ALK: variants seen among roughly 807,000 people sequenced by gnomAD.
ALK encodes ALK tyrosine kinase receptor.
In ALK, 74 loss-of-function variants were observed where a neutral mutation model predicts 163.1. The observed-to-expected ratio is 0.45, with a 90% CI of 0.38 to 0.55. The LOEUF (loss-of-function observed/expected upper bound fraction) is 0.55. ALK is among the 20% of genes least tolerant of loss of function. The pLI, the probability that ALK is intolerant of heterozygous loss-of-function variation, is 0.00. For missense variants in ALK, 2,063 were observed against 2,105.3 expected, an observed-to-expected ratio of 0.98 and a Z score of 0.39; for synonymous variants, 960 against 843.2, an observed-to-expected ratio of 1.14 and a Z score of -2.40.
chr2:29,752,736 C>T (rs1294772126), intron 1 of ALK, among the ~76,000 whole-genome samples: 1 of 152,170 alleles, frequency 6.6e-6, no homozygotes, highest in East Asian at 1.9e-4. Flanking sequence ...TGTTTCTGCT[C>T]TCACATCCTG....
chr2:29,450,481 G>T (rs1670793717), intron 4 of ALK, among the ~76,000 whole-genome samples: 1 of 152,106 alleles, frequency 6.6e-6, no homozygotes, highest in South Asian at 2.1e-4. Flanking sequence ...GTTTTTGGTT[G>T]TGTGGGGCAG....
chr2:29,635,495 G>A (rs2148240519), intron 3 of ALK, among the ~76,000 whole-genome samples: 1 of 152,332 alleles, frequency 6.6e-6, no homozygotes, highest in East Asian at 1.9e-4. Context: ...GCAGCTACCA[G>A]AAGCTGGAAG....
chr2:29,574,285 C>T (rs1674461844), intron 3 of ALK, among the ~76,000 whole-genome samples: 1 of 152,206 alleles, frequency 6.6e-6, no homozygotes, highest in African/African-American at 2.4e-5. Context: ...AGGGCCATGA[C>T]ACCACTTCTC....
At chr2:29,717,720 C>T in intron 1 of ALK, 23 bp from the exon 2 acceptor site, 1 of 1,613,890 alleles carries the variant, frequency 6.2e-7, no homozygotes, top group South Asian at 1.1e-5. Context: ...ATAAAGAAAA[C>T]ACTGATCCAT....
At chr2:29,498,623 A>G (rs948243284) in intron 4 of ALK, among the ~76,000 whole-genome samples, 7 of 152,226 alleles carry the variant, frequency 4.6e-5, no homozygotes, top group Non-Finnish European at 1.0e-4. Context: ...GCGGGGCTCC[A>G]CTTGCCAAGC....
At chr2:29,473,515 T>C (rs1277250493) in intron 4 of ALK, among the ~76,000 whole-genome samples, 2 of 152,116 alleles carry the variant, frequency 1.3e-5, no homozygotes, top group Admixed American at 1.3e-4. Flanking sequence ...TTGTCTGTAA[T>C]ATATAAAGAA....
intron 1 of ALK, among the ~76,000 whole-genome samples, chr2:29,851,390 A>G (rs111478584): frequency 0.013 from 1,936 of 152,290 alleles, 18 homozygotes; most frequent in Middle Eastern, 0.031. Flanking sequence ...TCTCAAAAAG[A>G]TGAAGCTGTC....
intron 1 of ALK, among the ~76,000 whole-genome samples, chr2:29,852,371 A>C (rs4075919): frequency 0.54 from 82,458 of 151,976 alleles, 24,034 homozygotes; most frequent in East Asian, 0.84. Context: ...CTTCAGACTC[A>C]AAAAACAGAC....
intron 9 of ALK, among the ~76,000 whole-genome samples, chr2:29,292,520 T>C (rs1431077227): frequency 6.6e-6 from 1 of 151,410 alleles, no homozygotes; most frequent in African/African-American, 2.4e-5. Flanking sequence ...ATGAGGGAGG[T>C]GGGGCTGATA....
intron 1 of ALK, among the ~76,000 whole-genome samples, chr2:29,775,829 A>G (rs1444806396): frequency 6.6e-6 from 1 of 152,256 alleles, no homozygotes; most frequent in East Asian, 1.9e-4. Flanking sequence ...TAGTAGAATG[A>G]TCAATGACTG....
chr2:29,845,346 A>G (rs576884939), intron 1 of ALK, among the ~76,000 whole-genome samples: 128 of 152,332 alleles, frequency 8.4e-4, no homozygotes, highest in Non-Finnish European at 1.4e-3. Flanking sequence ...CTGTAAATAA[A>G]TAAGGTTTCA....
chr2:29,222,061 A>G (rs1272930763), intron 22 of ALK, among the ~76,000 whole-genome samples: 1 of 152,152 alleles, frequency 6.6e-6, no homozygotes, highest in African/African-American at 2.4e-5. Flanking sequence ...CTTAAGAAAA[A>G]GTGAGGGAAG....
At chr2:29,498,622 C>T (rs545001617) in intron 4 of ALK, among the ~76,000 whole-genome samples, 13 of 152,230 alleles carry the variant, frequency 8.5e-5, no homozygotes, top group Middle Eastern at 3.4e-3. Flanking sequence ...AGCGGGGCTC[C>T]ACTTGCCAAG....
intron 5 of ALK, among the ~76,000 whole-genome samples, chr2:29,329,063 A>C (rs1343376407): frequency 6.6e-6 from 1 of 152,090 alleles, no homozygotes; most frequent in Non-Finnish European, 1.5e-5. Context: ...TATGAGGCTG[A>C]CCATGTCCCT....
intron 1 of ALK, among the ~76,000 whole-genome samples, chr2:29,891,438 A>C (rs1040305874): frequency 4.6e-5 from 7 of 152,200 alleles, no homozygotes; most frequent in Non-Finnish European, 1.0e-4. Flanking sequence ...CAATGTTGAC[A>C]TAACACTTAT....
At chr2:29,858,459 G>A (rs974709529) in intron 1 of ALK, among the ~76,000 whole-genome samples, 4 of 151,940 alleles carry the variant, frequency 2.6e-5, no homozygotes, top group African/African-American at 9.7e-5. Context: ...GAGGCCGGGT[G>A]CGGTGGCTCA....
intron 1 of ALK, among the ~76,000 whole-genome samples, chr2:29,785,126 C>A (rs1420158793): frequency 6.6e-6 from 1 of 152,048 alleles, no homozygotes; most frequent in African/African-American, 2.4e-5. Context: ...ACACTCTGGC[C>A]ACAGATTTCT....
intron 2 of ALK, among the ~76,000 whole-genome samples, chr2:29,716,418 C>G (rs7597031): frequency 0.1 from 15,580 of 152,182 alleles, 1,709 homozygotes; most frequent in African/African-American, 0.28. Flanking sequence ...TAGAGGAGTT[C>G]AAGAGAATTA....
Position 29,920,412 on chromosome 2 carries a change from C to A in ALK, c.248G>T (p.Gly83Val), listed in dbSNP as rs769440812. The A allele has an allele frequency of 6.3e-6, 10 of 1,590,576 alleles. No homozygotes were observed. Among genetic ancestry groups the A allele is most frequent in the Non-Finnish European group, 7.7e-6 (9 of 1,169,114 alleles). ...TAGCGAGCCGCGGGCCTCGGGCCTG[C>A]CAGCCTTCAGCTCCGAGGAGGATGG... ...LPPSSSELKA[G>V]RPEARGSLAL... is the part of the protein sequence containing the mutation. The change falls in exon 1 of 29, where the codon GGC becomes GTC. Residue 83 changes from glycine (G) to valine (V), a missense_variant. Transcript: ENST00000389048.
Sources: allele counts gnomAD v4.1 joint callset (sites outside exome capture counted in the v4.1 genomes callset), GRCh38; gene constraint gnomAD v4.1.1; transcripts MANE v1.5; gene names NCBI Gene and HGNC (gene_info 2026-07-23, HGNC 2026-07-21).